KHDC4: variants seen among roughly 807,000 people sequenced by gnomAD.
KHDC4 encodes the protein KH homology domain-containing protein 4.
A neutral mutation model predicts 74.5 loss-of-function variants in KHDC4; 19 were observed. That is an observed-to-expected ratio of 0.26 (90% confidence interval 0.18 to 0.37). The LOEUF is 0.37. Among genes scored for constraint, KHDC4 ranks in the 10% least tolerant of loss-of-function variants. The pLI is 1.00. For synonymous variants in KHDC4, 253 were observed against 266.1 expected, an observed-to-expected ratio of 0.95 and a Z score of 0.48; for missense variants, 632 against 754.1, an observed-to-expected ratio of 0.84 and a Z score of 1.90.
Position 155,934,331 on chromosome 1 carries a change from C to G in KHDC4, c.38+5G>C, listed in dbSNP as rs745762776. ...GCTCCGATGCCCTCGCCCCTGAAGC[C>G]GTACCCGCCAGCTCCAGGATGTGTC... On this transcript the variant is annotated splice_donor_5th_base_variant and intron_variant, in intron 1 of 13. Transcript: ENST00000368321. 11 of 1,609,026 alleles carry G rather than the reference C, an allele frequency of 6.8e-6. No homozygotes were observed. In the Admixed American group the frequency reaches 1.3e-4, roughly 20 times the overall value.
chr1:155,929,491 G>GT, intron 3 of KHDC4, 116 bp from the exon 4 acceptor site: 1 of 1,026,956 alleles, frequency 9.7e-7, no homozygotes, highest in Non-Finnish European at 1.4e-6. Context: ...ATTCTCTCCT[G>GT]TATCTGAAAT....
chr1:155,919,050 C>T (rs777886297), intron 10 of KHDC4, among the ~76,000 whole-genome samples: 2 of 149,048 alleles, frequency 1.3e-5, no homozygotes, highest in Non-Finnish European at 3.0e-5. Context: ...TCACTGCAAC[C>T]TCTGACTCCT....
intron 8 of KHDC4, among the ~76,000 whole-genome samples, chr1:155,923,018 A>G (rs1673900133): frequency 6.6e-6 from 1 of 152,056 alleles, no homozygotes; most frequent in South Asian, 2.1e-4. Flanking sequence ...ATCCCGGCTA[A>G]AACGGTGAAA....
intron 4 of KHDC4, among the ~76,000 whole-genome samples, chr1:155,928,230 C>T (rs1459508591): frequency 6.6e-6 from 1 of 151,924 alleles, no homozygotes; most frequent in Non-Finnish European, 1.5e-5. Flanking sequence ...AAAATTTAGC[C>T]GGGTGTGGTG....
intron 10 of KHDC4, among the ~76,000 whole-genome samples, chr1:155,918,400 T>A (rs542819437): frequency 6.6e-6 from 1 of 151,580 alleles, no homozygotes; most frequent in East Asian, 1.9e-4. Flanking sequence ...GCACAACTAA[T>A]TTTTTTTTGT....
intron 10 of KHDC4, among the ~76,000 whole-genome samples, chr1:155,917,903 GA>G (rs1673768176): frequency 6.6e-6 from 1 of 152,148 alleles, no homozygotes; most frequent in African/African-American, 2.4e-5. Flanking sequence ...GAACTTTTAA[GA>G]AAACTCTGTT....
chr1:155,934,340 C>G lies in KHDC4; in HGVS notation c.34G>C (p.Gly12Arg), dbSNP rs748229476. 1.2e-5 allele frequency: 20 copies of G among 1,610,670 alleles called. No individual in the cohort carries two copies. Among genetic ancestry groups the G allele is most frequent in the Non-Finnish European group, 1.7e-5 (20 of 1,179,968 alleles). The change falls in exon 1 of 14, where the codon GGC becomes CGC. Residue 12 changes from glycine to arginine, a missense_variant. This residue lies in a region of KHDC4 where 104 missense variants were observed against 78.1 expected (regional missense o/e 1.33). Transcript: ENST00000368321. The part of the protein sequence containing the change: ...SAGSATHPGA[G>R]GRRSKWDQPA... ...CCCTCGCCCCTGAAGCCGTACCCGC[C>G]AGCTCCAGGATGTGTCGCGCTCCCC... is the stretch of plus-strand genomic sequence containing the variant.
At chr1:155,924,676 C>G (rs575409121) in intron 7 of KHDC4, among the ~76,000 whole-genome samples, 2 of 150,676 alleles carry the variant, frequency 1.3e-5, no homozygotes, top group South Asian at 4.2e-4. Context: ...AGGGTTCAAG[C>G]AATTCTCCTA....
intron 4 of KHDC4, among the ~76,000 whole-genome samples, chr1:155,928,319 A>G (rs1401937750): frequency 6.6e-6 from 1 of 152,042 alleles, no homozygotes; most frequent in Non-Finnish European, 1.5e-5. Context: ...GGTTGCAGTG[A>G]GCCGAGATGG....
At chr1:155,916,215 C>T (rs1330493842) in intron 12 of KHDC4, among the ~76,000 whole-genome samples, 3 of 152,108 alleles carry the variant, frequency 2.0e-5, no homozygotes, top group Non-Finnish European at 4.4e-5. Context: ...GGTTAATATA[C>T]TAATATAAGA....
At chr1:155,930,781 C>CG (rs2102609477) in intron 2 of KHDC4, among the ~76,000 whole-genome samples, 1 of 152,258 alleles carries the variant, frequency 6.6e-6, no homozygotes. Flanking sequence ...AAACCTGATC[C>CG]GGTTTCTTTC....
intron 13 of KHDC4, chr1:155,915,235 T>G (rs1673706406): frequency 6.6e-6 from 1 of 152,140 alleles, no homozygotes; most frequent in Admixed American, 6.6e-5. Context: ...TTCTCCTGCC[T>G]CAGCCTTCCA....
At chr1:155,932,773 A>G (rs1337803864) in intron 2 of KHDC4, 1 of 146,776 alleles carries the variant, frequency 6.8e-6, no homozygotes, top group Non-Finnish European at 1.5e-5. Context: ...CTAAAAACAC[A>G]AAAAAAAATT....
chr1:155,918,308 G>A (rs1350338707), intron 10 of KHDC4, among the ~76,000 whole-genome samples: 5 of 152,018 alleles, frequency 3.3e-5, no homozygotes, highest in African/African-American at 4.8e-5. Context: ...GTGCCAACTC[G>A]GCTCACTACA....
Position 155,933,823 on chromosome 1 carries a change from G to T in KHDC4, c.65C>A (p.Ala22Asp), listed in dbSNP as rs1488974548. 1 of 1,581,920 alleles carries T rather than the reference G, an allele frequency of 6.3e-7. No homozygotes were observed. The highest frequency in any genetic ancestry group is 8.6e-7 in the Non-Finnish European group (1 of 1,162,250). Residue 22 changes from alanine (A) to aspartate (D), a missense_variant, in exon 2 of 14, where the codon GCT (alanine) becomes GAT (aspartate). Physicochemically the swap from Ala to Asp is moderately radical, Grantham distance 126 (BLOSUM62 -2). Transcript: ENST00000368321. ...CGGGAGGAAGAGAAGTGGGGCTGGA[G>T]CTGGTTGGTCCCATTTGCTGCGGCG... ...GGRRSKWDQP[A>D]PAPLLFLPPA... is the part of the protein sequence containing the mutation.
Position 155,929,388 on chromosome 1 carries a change from A to C in KHDC4, c.385-13T>G, listed in dbSNP as rs936033350. 6.2e-7 allele frequency: 1 copy of C among 1,606,584 alleles called. No individual in the cohort carries two copies. The highest frequency in any genetic ancestry group is 8.5e-7 in the Non-Finnish European group (1 of 1,174,564). On this transcript the variant is annotated splice_polypyrimidine_tract_variant and intron_variant, in intron 3 of 13. Coordinates refer to ENST00000368321, the MANE Select transcript of KHDC4 (RefSeq NM_014949.4). ...TAAGTCGGCTGATCTAAAAAAGGAA[A>C]TGTTCAATTAAAAAAATGTGGCAAT...
Position 155,913,056 on chromosome 1 carries a change from G to A in KHDC4, c.*1065C>T, listed in dbSNP as rs1673663216. ...AGAAACCACAAGCAGAATATTTATA[G>A]ATTTATTTATAATGAAATTATGGTC... On this transcript the variant is annotated 3_prime_UTR_variant, in exon 14 of 14. Transcript: ENST00000368321. 6.5e-6 allele frequency: 1 copy of A among 152,696 alleles called. No individual in the cohort carries two copies. The highest frequency in any genetic ancestry group is 2.1e-4 in the South Asian group (1 of 4,832). The allele number at this position is 152,696 out of a possible 1,614,324, so 9.5% of individuals were successfully genotyped here. A position where few individuals can be genotyped will look rare whatever the true frequency, so the allele number is the denominator to read the frequency against.
intron 10 of KHDC4, chr1:155,919,979 T>C: frequency 1.9e-6 from 1 of 518,472 alleles, no homozygotes; most frequent in South Asian, 1.4e-5. Context: ...AGGCTGCCAT[T>C]TGCTATGGCA....
chr1:155,926,017 C>T (rs1030957595), intron 6 of KHDC4, 174 bp from the exon 7 acceptor site: 10 of 763,612 alleles, frequency 1.3e-5, no homozygotes, highest in Non-Finnish European at 2.4e-5. Flanking sequence ...CTCTCTCCAA[C>T]CCTTTTTTCT....
Sources: allele counts gnomAD v4.1 joint callset (sites outside exome capture counted in the v4.1 genomes callset), GRCh38; gene constraint gnomAD v4.1.1; regional missense constraint gnomAD v4.1.1; transcripts MANE v1.5; gene names NCBI Gene and HGNC (gene_info 2026-07-23, HGNC 2026-07-21).